Variants in CELF4 observed in about 807,000 individuals in gnomAD.
The protein encoded by CELF4 is CUGBP Elav-like family member 4, also known as CUG-BP- and ETR-3-like factor 4.
CELF4 carries 18 observed loss-of-function variants against 59.9 expected under a neutral mutation model. That is an observed-to-expected ratio of 0.30 (90% confidence interval 0.21 to 0.45). The LOEUF (loss-of-function observed/expected upper bound fraction) is 0.45, where lower values mean the gene tolerates loss of function less well. Among genes scored for constraint, CELF4 ranks in the 20% least tolerant of loss-of-function variants. The probability of loss-of-function intolerance (pLI) is 1.00; values close to 1 mark genes in which losing one functional copy is unlikely to be tolerated. For missense variants in CELF4, 456 were observed against 689.0 expected, an observed-to-expected ratio of 0.66 and a Z score of 3.79; for synonymous variants, 261 against 267.1, an observed-to-expected ratio of 0.98 and a Z score of 0.22.
chr18:37,244,151 T>C lies in CELF4; in HGVS notation c.*1091A>G, dbSNP rs2061242921. Reference sequence around the variant, plus strand: ...AATGCTAACTTCTATAGGTTTTTTTTTTCCTTTTTTATTTTTTTTTTTTAT... The same window carrying C: ...AATGCTAACTTCTATAGGTTTTTTTCTTCCTTTTTTATTTTTTTTTTTTAT... On this transcript the variant is annotated 3_prime_UTR_variant, in exon 13 of 13. Coordinates refer to ENST00000420428, the MANE Select transcript of CELF4 (RefSeq NM_020180.4). The C allele has an allele frequency of 7.3e-6, 1 of 136,658 alleles. No individual in the cohort carries two copies. The highest frequency in any genetic ancestry group is 2.5e-5 in the African/African-American group (1 of 39,564). 8.5% of individuals were successfully genotyped at this position (136,658 alleles called of 1,614,324 possible).
At chr18:37,502,791 C>G (rs1233859700) in intron 1 of CELF4, among the ~76,000 whole-genome samples, 1 of 152,196 alleles carries the variant, frequency 6.6e-6, no homozygotes, top group South Asian at 2.1e-4. Context: ...CACCAATCAG[C>G]CAAGGCCTCG....
chr18:37,393,102 G>A (rs62083600), intron 2 of CELF4, among the ~76,000 whole-genome samples: 1 of 69,266 alleles, frequency 1.4e-5, no homozygotes, highest in Non-Finnish European at 2.8e-5. Context: ...GTGTTAGAGA[G>A]ACACAGGGAC....
chr18:37,426,671 G>A (rs2099614862), intron 2 of CELF4, among the ~76,000 whole-genome samples: 2 of 152,336 alleles, frequency 1.3e-5, no homozygotes, highest in South Asian at 2.1e-4. Context: ...GGTGCGGTGC[G>A]GGAGGGCTGG....
At chr18:37,535,936 A>C (rs2099973130) in intron 1 of CELF4, among the ~76,000 whole-genome samples, 1 of 152,112 alleles carries the variant, frequency 6.6e-6, no homozygotes, top group African/African-American at 2.4e-5. Flanking sequence ...TGTTATTGAA[A>C]ACTTTAATTC....
chr18:37,451,354 G>A (rs781648704), intron 2 of CELF4, among the ~76,000 whole-genome samples: 2 of 152,080 alleles, frequency 1.3e-5, no homozygotes, highest in African/African-American at 2.4e-5. Context: ...GTGTGTCTGT[G>A]TGTATCTGTG....
chr18:37,461,970 G>C (rs564491022), intron 2 of CELF4, among the ~76,000 whole-genome samples: 3 of 152,340 alleles, frequency 2.0e-5, no homozygotes, highest in Admixed American at 6.5e-5. Context: ...GGTCATAGTG[G>C]TACTGTTGAA....
At chr18:37,525,497 A>G (rs148776260) in intron 1 of CELF4, among the ~76,000 whole-genome samples, 2,416 of 149,606 alleles carry the variant, frequency 0.016, 70 homozygotes, top group African/African-American at 0.056. Flanking sequence ...GTCTGTGGCT[A>G]GGTTTGCGCT....
At chr18:37,260,958 A>G (rs1384633113) in intron 10 of CELF4, among the ~76,000 whole-genome samples, 5 of 151,532 alleles carry the variant, frequency 3.3e-5, no homozygotes, top group African/African-American at 1.2e-4. Context: ...GGTGCTGGAT[A>G]CCCCCGAGCT....
intron 2 of CELF4, among the ~76,000 whole-genome samples, chr18:37,476,798 T>C (rs1048211973): frequency 3.9e-5 from 6 of 152,162 alleles, no homozygotes; most frequent in African/African-American, 1.4e-4. Flanking sequence ...CTCACACGGA[T>C]TCATGCAGGC....
At chr18:37,369,818 T>C (rs888378460) in intron 2 of CELF4, among the ~76,000 whole-genome samples, 1 of 152,238 alleles carries the variant, frequency 6.6e-6, no homozygotes, top group Non-Finnish European at 1.5e-5. Flanking sequence ...TCTGTGTTCA[T>C]ACTCTCTGTG....
chr18:37,434,861 C>G (rs929389260), intron 2 of CELF4, among the ~76,000 whole-genome samples: 1 of 152,204 alleles, frequency 6.6e-6, no homozygotes, highest in Non-Finnish European at 1.5e-5. Flanking sequence ...CCTCAAACAC[C>G]TTCCTCCTGC....
intron 8 of CELF4, among the ~76,000 whole-genome samples, chr18:37,268,573 T>C (rs1173051588): frequency 6.6e-6 from 1 of 151,994 alleles, no homozygotes; most frequent in Non-Finnish European, 1.5e-5. Context: ...TCTGGCAGAG[T>C]ATGATGAAAA....
intron 1 of CELF4, among the ~76,000 whole-genome samples, chr18:37,488,367 T>C (rs1383871490): frequency 6.6e-6 from 1 of 152,198 alleles, no homozygotes; most frequent in African/African-American, 2.4e-5. Context: ...TTCTGCTTGG[T>C]TCTCAGTGTC....
At chr18:37,295,356 T>C (rs2095580069) in intron 3 of CELF4, among the ~76,000 whole-genome samples, 1 of 152,248 alleles carries the variant, frequency 6.6e-6, no homozygotes, top group Non-Finnish European at 1.5e-5. Context: ...TGGGATGGTG[T>C]GGCTAACAAG....
chr18:37,434,179 C>T (rs561937155), intron 2 of CELF4, among the ~76,000 whole-genome samples: 51 of 152,270 alleles, frequency 3.3e-4, no homozygotes, highest in Admixed American at 2.8e-3. Flanking sequence ...CAAGAGTTAA[C>T]TAATAGTTCA....
intron 1 of CELF4, among the ~76,000 whole-genome samples, chr18:37,517,721 G>A (rs781134723): frequency 1.3e-5 from 2 of 152,116 alleles, no homozygotes; most frequent in African/African-American, 2.4e-5. Flanking sequence ...GTGGGTGTCC[G>A]ATGAGGCACA....
intron 2 of CELF4, among the ~76,000 whole-genome samples, chr18:37,337,377 A>G (rs889521558): frequency 6.6e-6 from 1 of 152,044 alleles, no homozygotes; most frequent in Non-Finnish European, 1.5e-5. Context: ...AATACTGCCC[A>G]CCTTTAGCAC....
intron 2 of CELF4, among the ~76,000 whole-genome samples, chr18:37,324,387 G>C (rs1316789416): frequency 6.6e-6 from 1 of 152,166 alleles, no homozygotes; most frequent in Non-Finnish European, 1.5e-5. Flanking sequence ...GAGACACCAG[G>C]GATGTGCACA....
intron 11 of CELF4, chr18:37,258,970 G>C (rs1341124548): frequency 3.1e-6 from 2 of 643,842 alleles, no homozygotes; most frequent in African/African-American, 1.8e-5. Flanking sequence ...TAGTGGGAGA[G>C]AGAAGGGTGA....
Sources: allele counts gnomAD v4.1 joint callset (sites outside exome capture counted in the v4.1 genomes callset), GRCh38; gene constraint gnomAD v4.1.1; transcripts MANE v1.5; gene names NCBI Gene and HGNC (gene_info 2026-07-23, HGNC 2026-07-21).